The following OSBPL2 variants were observed in gnomAD, a reference collection of about 807,000 sequenced individuals.
OSBPL2 encodes oxysterol-binding protein-related protein 2.
OSBPL2 carries 18 observed loss-of-function variants against 58.4 expected under a neutral mutation model. That is an observed-to-expected ratio of 0.31 (90% CI 0.21 to 0.46). The LOEUF (loss-of-function observed/expected upper bound fraction) is 0.46, where lower values mean the gene tolerates loss of function less well. Among genes scored for constraint, OSBPL2 ranks in the 20% least tolerant of loss-of-function variants. The pLI is 1.00. For missense variants in OSBPL2, 461 were observed against 616.5 expected, an observed-to-expected ratio of 0.75 and a Z score of 2.67; for synonymous variants, 221 against 234.1, an observed-to-expected ratio of 0.94 and a Z score of 0.51.
intron 1 of OSBPL2, among the ~76,000 whole-genome samples, chr20:62,239,460 C>G (rs1979572891): frequency 6.6e-6 from 1 of 152,178 alleles, no homozygotes; most frequent in African/African-American, 2.4e-5. Context: ...GTGTTGCAGG[C>G]TCTCCTGGGG....
chr20:62,284,374 A>ATT (rs11306058), intron 10 of OSBPL2: 298 of 456,796 alleles, frequency 6.5e-4, no homozygotes, highest in Non-Finnish European at 8.0e-4. Flanking sequence ...ATTTCTTTCC[A>ATT]TTTTTTTTTT....
intron 1 of OSBPL2, among the ~76,000 whole-genome samples, chr20:62,242,043 A>G (rs1238488599): frequency 1.3e-5 from 2 of 152,260 alleles, no homozygotes; most frequent in African/African-American, 4.8e-5. Flanking sequence ...CTGAGTTAAT[A>G]TGGTGGGTTC....
At chr20:62,262,345 G>T (rs551421123) in intron 3 of OSBPL2, among the ~76,000 whole-genome samples, 1 of 152,242 alleles carries the variant, frequency 6.6e-6, no homozygotes, top group Non-Finnish European at 1.5e-5. Context: ...GGGTGTGTCA[G>T]CTCCCTCTGC....
rs1981741394 is a variant in OSBPL2, at chr20:62,267,268, C to G, written c.258+3577C>G. 2.0e-5 allele frequency among the ~76,000 whole-genome samples: 3 copies of G among 152,144 alleles called. No homozygotes were observed. The South Asian group carries it at 6.2e-4, about 32-fold the overall frequency. On this transcript the variant is annotated intron_variant, in intron 4 of 13. Coordinates refer to ENST00000313733, the MANE Select transcript of OSBPL2 (RefSeq NM_144498.4). Reference sequence around the variant, plus strand: ...TCTAACAAACAAACAAAGCTGTGGGCGCTCAGAGTCTGGGTCCACTAACTC... The same window carrying G: ...TCTAACAAACAAACAAAGCTGTGGGGGCTCAGAGTCTGGGTCCACTAACTC...
intron 1 of OSBPL2, among the ~76,000 whole-genome samples, chr20:62,245,717 G>T (rs897458298): frequency 6.6e-6 from 1 of 152,222 alleles, no homozygotes; most frequent in African/African-American, 2.4e-5. Context: ...GCGGCCAGTC[G>T]TACGTGCCTC....
intron 8 of OSBPL2, chr20:62,281,496 C>T: frequency 2.0e-6 from 1 of 500,734 alleles, no homozygotes; most frequent in Non-Finnish European, 3.6e-6. Flanking sequence ...TTCCTGGAAG[C>T]TCATGACTGG....
intron 1 of OSBPL2, among the ~76,000 whole-genome samples, chr20:62,245,016 G>A (rs1384101696): frequency 2.0e-5 from 3 of 152,254 alleles, no homozygotes; most frequent in African/African-American, 7.2e-5. Context: ...TGGCTGGCAC[G>A]CGTAGCACAG....
chr20:62,244,563 C>T (rs1184366788), intron 1 of OSBPL2, among the ~76,000 whole-genome samples: 2 of 152,262 alleles, frequency 1.3e-5, no homozygotes, highest in Non-Finnish European at 2.9e-5. Flanking sequence ...TTGATTAAAA[C>T]ACATGTTTTT....
chr20:62,276,184 T>C (rs1415482031), intron 6 of OSBPL2, among the ~76,000 whole-genome samples: 1 of 152,232 alleles, frequency 6.6e-6, no homozygotes, highest in Admixed American at 6.5e-5. Context: ...CCCAAAGTGC[T>C]GGGATTACAG....
In OSBPL2 at chr20:62,261,329, A is replaced by G. The variant is rs1981289302; in HGVS notation, c.182+1204A>G. Among the ~76,000 whole-genome samples the G allele has an allele frequency of 7.9e-5, 12 of 151,548 alleles. No individual in the cohort carries two copies. In the South Asian group the frequency reaches 2.5e-3, roughly 32 times the overall value. ...AGACTCCATCTCCAAAAAAAAAAAAAAAAAAAAGGCACAAAGGCAGGACAA... is the reference window on the plus strand; with the variant it reads ...AGACTCCATCTCCAAAAAAAAAAAAGAAAAAAAGGCACAAAGGCAGGACAA... On this transcript the variant is annotated intron_variant, in intron 3 of 13. Coordinates refer to ENST00000313733, the MANE Select transcript of OSBPL2 (RefSeq NM_144498.4).
intron 6 of OSBPL2, among the ~76,000 whole-genome samples, chr20:62,275,950 C>A (rs1437727690): frequency 7.0e-6 from 1 of 143,802 alleles, no homozygotes; most frequent in African/African-American, 2.6e-5. Flanking sequence ...CCATTGGTTG[C>A]CCAGGCTGGA....
At position 62,289,228 on chromosome 20, in the gene OSBPL2, A is replaced by G. The variant is rs1983332243; in HGVS notation, c.1147A>G (p.Thr383Ala). 1 of 1,613,656 alleles carries G rather than the reference A, an allele frequency of 6.2e-7. No individual in the cohort carries two copies. The highest frequency in any genetic ancestry group is 8.5e-7 in the Non-Finnish European group (1 of 1,179,860). The change falls in exon 12 of 14, where the codon ACT becomes GCT. Residue 383 changes from threonine (T) to alanine (A), a missense_variant. This residue lies in a region of OSBPL2 where 319 missense variants were observed against 419.2 expected (regional missense o/e 0.76). Coordinates refer to ENST00000313733, the MANE Select transcript of OSBPL2 (RefSeq NM_144498.4). ...SAQMYNFTSFTVSLNELETGM... is the reference protein window; with the variant it reads ...SAQMYNFTSFAVSLNELETGM... Reference sequence around the variant, plus strand: ...ACAGATGTATAATTTCACCAGTTTCACTGTGAGCCTCAACGAGCTGGAGAC... The same window carrying G: ...ACAGATGTATAATTTCACCAGTTTCGCTGTGAGCCTCAACGAGCTGGAGAC...
At chr20:62,267,470 T>G (rs1387468194) in intron 4 of OSBPL2, among the ~76,000 whole-genome samples, 1 of 152,150 alleles carries the variant, frequency 6.6e-6, no homozygotes, top group Non-Finnish European at 1.5e-5. Context: ...GCGTTTACTG[T>G]TTGGGGTCTG....
At chr20:62,273,633 T>C (rs951201390) in intron 6 of OSBPL2, among the ~76,000 whole-genome samples, 8 of 152,196 alleles carry the variant, frequency 5.3e-5, no homozygotes, top group African/African-American at 1.9e-4. Context: ...GGCAATGAGA[T>C]ATTTTAGTGT....
intron 6 of OSBPL2, among the ~76,000 whole-genome samples, chr20:62,274,084 C>T (rs1240657518): frequency 2.6e-5 from 4 of 152,202 alleles, no homozygotes; most frequent in African/African-American, 7.2e-5. Context: ...ACTCCAAGTC[C>T]TAGAACTCTG....
At chr20:62,245,464 G>A (rs1023836170) in intron 1 of OSBPL2, among the ~76,000 whole-genome samples, 1 of 152,204 alleles carries the variant, frequency 6.6e-6, no homozygotes, top group African/African-American at 2.4e-5. Flanking sequence ...GATGAGCCAC[G>A]TAGAGCCCCA....
intron 6 of OSBPL2, chr20:62,278,912 T>TTG (rs796089790): frequency 1.7e-5 from 8 of 466,258 alleles, no homozygotes; most frequent in Non-Finnish European, 3.0e-5. Flanking sequence ...AATGTCATGT[T>TTG]TGTGTGTGTG....
In OSBPL2 at chr20:62,273,344, C is replaced by G. The variant is rs142341897; in HGVS notation, c.429C>G (p.Ser143=). The G allele has an allele frequency of 4.8e-4, 773 of 1,605,424 alleles. 1 individual carries two copies. The highest frequency in any genetic ancestry group is 6.0e-4 in the Non-Finnish European group (712 of 1,177,430). The change falls in exon 6 of 14, where the codon TCC becomes TCG. Residue 143 remains serine (S), a synonymous_variant. Transcript: ENST00000313733. ...CTTTTGCTGTTTCGGCTGTGGCTTC[C>G]CAGTGGGAGAGGACCGGCAAACCAT... ...VAAFAVSAVA[S]QWERTGKPFN... is the part of the protein sequence containing the mutation.
chr20:62,274,159 G>T (rs1176920317), intron 6 of OSBPL2, among the ~76,000 whole-genome samples: 1 of 152,202 alleles, frequency 6.6e-6, no homozygotes, highest in Non-Finnish European at 1.5e-5. Context: ...AGGACTGGTT[G>T]GGGTTCTCTT....
Sources: allele counts gnomAD v4.1 joint callset (sites outside exome capture counted in the v4.1 genomes callset), GRCh38; gene constraint gnomAD v4.1.1; regional missense constraint gnomAD v4.1.1; transcripts MANE v1.5; gene names NCBI Gene and HGNC (gene_info 2026-07-23, HGNC 2026-07-21).